EIF3A: variants seen among roughly 807,000 people sequenced by gnomAD.
The protein encoded by EIF3A is eukaryotic translation initiation factor 3 subunit A.
In EIF3A, 21 loss-of-function variants were observed where a neutral mutation model predicts 186.6. The observed-to-expected ratio is 0.11, with a 90% CI of 0.08 to 0.16. The LOEUF (loss-of-function observed/expected upper bound fraction) is 0.16. Among genes scored for constraint, EIF3A ranks in the 10% least tolerant of loss-of-function variants. The pLI is 1.00. For missense variants in EIF3A, 1,306 were observed against 1,796.3 expected, an observed-to-expected ratio of 0.73 and a Z score of 4.93; for synonymous variants, 563 against 584.3, an observed-to-expected ratio of 0.96 and a Z score of 0.52.
intron 20 of EIF3A, 63 bp downstream of exon 20, chr10:119,038,175 T>A: frequency 2.1e-6 from 3 of 1,436,654 alleles, no homozygotes; most frequent in Non-Finnish European, 2.9e-6. Context: ...CCCAAAGTGC[T>A]GGGATTACAG....
At chr10:119,052,025 T>C (rs919203001) in intron 14 of EIF3A, among the ~76,000 whole-genome samples, 1 of 152,208 alleles carries the variant, frequency 6.6e-6, no homozygotes, top group African/African-American at 2.4e-5. Context: ...GTGACTATGG[T>C]ATAATTTCTT....
chr10:119,034,330 C>CT lies in EIF3A; in HGVS notation c.*1708dup, dbSNP rs1848098757. On this transcript the variant is annotated 3_prime_UTR_variant, in exon 22 of 22. Coordinates refer to ENST00000369144, the MANE Select transcript of EIF3A (RefSeq NM_003750.4). ...TGCTGACTCGCCTTGAAATCTAACT[C>CT]TAACGTAGGCAGCAGTAACTCGTCT... The CT allele has an allele frequency of 1.2e-5, 2 of 165,820 alleles. No individual in the cohort carries two copies. Among genetic ancestry groups the CT allele is most frequent in the South Asian group, 2.1e-4 (1 of 4,836 alleles). 10.3% of individuals were successfully genotyped at this position (165,820 alleles called of 1,614,324 possible).
chr10:119,070,692 T>C (rs111606233), intron 5 of EIF3A, among the ~76,000 whole-genome samples, 194 bp downstream of exon 5: 2,458 of 152,302 alleles, frequency 0.016, 69 homozygotes, highest in African/African-American at 0.056. Context: ...TGGTCCAGAA[T>C]TCATAGAAGG....
intron 14 of EIF3A, among the ~76,000 whole-genome samples, chr10:119,055,262 C>T (rs1441562616): frequency 6.6e-6 from 1 of 151,002 alleles, no homozygotes; most frequent in African/African-American, 2.5e-5. Context: ...GGGTCAAGGA[C>T]AGGGAGAGAC....
At chr10:119,067,269 A>G (rs1843996505) in intron 6 of EIF3A, among the ~76,000 whole-genome samples, 1 of 151,530 alleles carries the variant, frequency 6.6e-6, no homozygotes, top group South Asian at 2.1e-4. Flanking sequence ...GCCATAACGG[A>G]CACCATCCTC....
At chr10:119,080,323 G>A in intron 1 of EIF3A, 4 of 985,460 alleles carry the variant, frequency 4.1e-6, no homozygotes, top group Non-Finnish European at 4.8e-6. Flanking sequence ...AGGCAGCAAG[G>A]AGGGAGCTCC....
intron 14 of EIF3A, among the ~76,000 whole-genome samples, chr10:119,055,135 C>G (rs1211719220): frequency 6.6e-6 from 1 of 151,858 alleles, no homozygotes; most frequent in African/African-American, 2.4e-5. Context: ...TTGAACCCGG[C>G]GGGGGCAGAG....
intron 19 of EIF3A, among the ~76,000 whole-genome samples, chr10:119,040,070 G>C (rs1361407787): frequency 6.6e-6 from 1 of 152,224 alleles, no homozygotes; most frequent in Non-Finnish European, 1.5e-5. Flanking sequence ...CAGCCGAACA[G>C]CAGAATGAAG....
intron 12 of EIF3A, among the ~76,000 whole-genome samples, chr10:119,057,487 G>A (rs747059052): frequency 1.3e-5 from 2 of 152,136 alleles, no homozygotes; most frequent in African/African-American, 4.8e-5. Flanking sequence ...AGGTGTCTAT[G>A]AAACAGGTCA....
Position 119,058,279 on chromosome 10 carries a change from A to G in EIF3A, c.1654T>C (p.Leu552=), listed in dbSNP as rs1247659008. The change falls in exon 12 of 22, where the codon TTG becomes CTG. Residue 552 remains leucine (L), a synonymous_variant. Coordinates refer to ENST00000369144, the MANE Select transcript of EIF3A (RefSeq NM_003750.4). ...ILQEKEEQHQ[L]AVTAYLKNSR... is the part of the protein sequence containing the mutation. Reference sequence around the variant, plus strand: ...TTTTTAAGGTATGCAGTGACAGCCAACTGATGCTGTTCTTCTTTCTCTTGC... The same window carrying G: ...TTTTTAAGGTATGCAGTGACAGCCAGCTGATGCTGTTCTTCTTTCTCTTGC... 6.3e-7 allele frequency: 1 copy of G among 1,597,574 alleles called. No individual in the cohort carries two copies. The highest frequency in any genetic ancestry group is 1.3e-5 in the African/African-American group (1 of 74,430).
chr10:119,069,073 C>T (rs574125146), intron 6 of EIF3A, among the ~76,000 whole-genome samples: 28 of 152,076 alleles, frequency 1.8e-4, no homozygotes, highest in Non-Finnish European at 3.8e-4. Context: ...AAAGCTCATC[C>T]GTTAAATGTG....
At chr10:119,050,312 T>A (rs531821486) in intron 16 of EIF3A, among the ~76,000 whole-genome samples, 1 of 152,198 alleles carries the variant, frequency 6.6e-6, no homozygotes, top group African/African-American at 2.4e-5. Flanking sequence ...AAAGTATTAA[T>A]TTCTAGAAGA....
rs1256512543 is a variant in EIF3A, at chr10:119,044,088, C to T, written c.2713G>A (p.Ala905Thr). 1 of 1,614,072 alleles carries T rather than the reference C, an allele frequency of 6.2e-7. No individual in the cohort carries two copies. The highest frequency in any genetic ancestry group is 8.5e-7 in the Non-Finnish European group (1 of 1,179,950). The change falls in exon 18 of 22, where the codon GCA (alanine) becomes ACA (threonine). Residue 905 changes from alanine (A) to threonine (T), a missense_variant. Around this residue, in one of 8 missense-constraint regions of EIF3A, gnomAD observed 410 missense variants for 473.5 expected, o/e 0.87. Coordinates refer to ENST00000369144, the MANE Select transcript of EIF3A (RefSeq NM_003750.4). ...SEGTWRKGPE[A>T]DSEWRRGPPE... The stretch of plus-strand genomic sequence containing the variant: ...GGGCCTCTTCTCCACTCAGAATCTG[C>T]TTCAGGTCCTTTTCTCCAGGTGCCT...
Position 119,036,134 on chromosome 10 carries a change from C to G in EIF3A, c.4054G>C (p.Glu1352Gln), listed in dbSNP as rs1848125367. 1 of 1,613,908 alleles carries G rather than the reference C, an allele frequency of 6.2e-7. No homozygotes were observed. Among genetic ancestry groups the G allele is most frequent in the South Asian group, 1.1e-5 (1 of 91,066 alleles). Residue 1352 changes from glutamate (E) to glutamine (Q), a missense_variant, in exon 22 of 22, where the codon GAG becomes CAG. Physicochemically the swap from Glu to Gln is conservative, Grantham distance 29. Coordinates refer to ENST00000369144, the MANE Select transcript of EIF3A (RefSeq NM_003750.4). ...DRDREREGEK[E>Q]KASWRAEKDR... ...TTCTCAGCTCTCCATGAGGCCTTCT[C>G]TTTTTCACCTTCTCTTTCTCGGTCT...
At chr10:119,065,919 A>G (rs1022221029) in intron 6 of EIF3A, among the ~76,000 whole-genome samples, 11 of 151,250 alleles carry the variant, frequency 7.3e-5, no homozygotes, top group African/African-American at 1.7e-4. Context: ...GATCGAGACC[A>G]TCCTGGCTAA....
At chr10:119,073,100 T>A (rs371176835) in intron 3 of EIF3A, 47 bp from the exon 4 acceptor site, 1 of 1,549,172 alleles carries the variant, frequency 6.5e-7, no homozygotes, top group Non-Finnish European at 8.7e-7. Flanking sequence ...GTTTCCTACT[T>A]TGCCATGTGA....
chr10:119,074,341 T>C (rs1844122605), intron 1 of EIF3A, among the ~76,000 whole-genome samples: 1 of 152,128 alleles, frequency 6.6e-6, no homozygotes, highest in South Asian at 2.1e-4. Flanking sequence ...GGTATGTGCC[T>C]GTAGTGCCAG....
chr10:119,043,638 G>A (rs1435220679), intron 18 of EIF3A, among the ~76,000 whole-genome samples: 1 of 151,190 alleles, frequency 6.6e-6, no homozygotes, highest in Non-Finnish European at 1.5e-5. Flanking sequence ...CAACAACACA[G>A]GCCAAGTGCA....
At chr10:119,044,686 A>C (rs1451299075) in intron 17 of EIF3A, among the ~76,000 whole-genome samples, 2 of 152,058 alleles carry the variant, frequency 1.3e-5, no homozygotes, top group East Asian at 3.9e-4. Flanking sequence ...GTCTCTACTA[A>C]AAATACAAAA....
Sources: allele counts gnomAD v4.1 joint callset (sites outside exome capture counted in the v4.1 genomes callset), GRCh38; gene constraint gnomAD v4.1.1; regional missense constraint gnomAD v4.1.1; transcripts MANE v1.5; gene names NCBI Gene and HGNC (gene_info 2026-07-23, HGNC 2026-07-21).